Variants in SRFBP1 observed in about 807,000 individuals in gnomAD.
The protein encoded by SRFBP1 is serum response factor binding protein 1, also known as serum response factor-binding protein 1.
A neutral mutation model predicts 45.5 loss-of-function variants in SRFBP1; 47 were observed. The observed-to-expected ratio is 1.03, with a 90% CI of 0.82 to 1.32. SRFBP1 has a LOEUF of 1.32. Ranked by LOEUF, SRFBP1 falls within the 40% of genes most tolerant of loss-of-function variation. The pLI, the probability that SRFBP1 is intolerant of heterozygous loss-of-function variation, is 0.00. For missense variants in SRFBP1, 621 were observed against 484.6 expected, an observed-to-expected ratio of 1.28 and a Z score of -2.64; for synonymous variants, 203 against 166.3, an observed-to-expected ratio of 1.22 and a Z score of -1.70.
chr5:121,972,711 T>C (rs971161815), intron 1 of SRFBP1, among the ~76,000 whole-genome samples: 2 of 151,682 alleles, frequency 1.3e-5, no homozygotes, highest in African/African-American at 4.8e-5. Context: ...TCAAAGATGG[T>C]TGTGGTGGGT....
At chr5:121,998,434 A>C (rs1752780092) in intron 4 of SRFBP1, among the ~76,000 whole-genome samples, 2 of 143,364 alleles carry the variant, frequency 1.4e-5, no homozygotes, top group South Asian at 4.7e-4. Flanking sequence ...CAAACACCGC[A>C]TATTCTCACT....
At chr5:122,035,846 C>G (rs1753686395) in intron 2 of SRFBP1, among the ~76,000 whole-genome samples, 1 of 152,198 alleles carries the variant, frequency 6.6e-6, no homozygotes, top group Non-Finnish European at 1.5e-5. Context: ...ACCAAGACCT[C>G]AAAGCCCTGT....
chr5:122,012,397 AAAAC>A (rs1354049017), intron 4 of SRFBP1, among the ~76,000 whole-genome samples: 1 of 152,118 alleles, frequency 6.6e-6, no homozygotes, highest in African/African-American at 2.4e-5. Context: ...GACTTTCTTT[AAAAC>A]AAACATTTCA....
intron 2 of SRFBP1, among the ~76,000 whole-genome samples, chr5:122,067,698 C>T (rs1754335571): frequency 6.6e-6 from 1 of 152,126 alleles, no homozygotes; most frequent in South Asian, 2.1e-4. Context: ...TTGTCCAACT[C>T]GTAACTCCAC....
At chr5:122,077,295 G>A, downstream of SRFBP1, 1 of 1,605,594 alleles carries the variant, frequency 6.2e-7, no homozygotes, top group Non-Finnish European at 8.5e-7. This position sits in a 1 kb window ranked among gnomAD's most constrained non-coding sequence, Gnocchi z 4.9. Context: ...GCCACGTCGA[G>A]AAGCCACATA....
chr5:122,057,195 A>G (rs1561411291), intron 2 of SRFBP1, among the ~76,000 whole-genome samples: 1 of 152,310 alleles, frequency 6.6e-6, no homozygotes, highest in South Asian at 2.1e-4. Flanking sequence ...GGTTAAAATT[A>G]CACTTGACCA....
chr5:122,017,305 C>A (rs1753210891), intron 4 of SRFBP1, among the ~76,000 whole-genome samples: 1 of 152,250 alleles, frequency 6.6e-6, no homozygotes, highest in South Asian at 2.1e-4. Flanking sequence ...TCAGTGAGGC[C>A]ACACTTTCTC....
intron 2 of SRFBP1, among the ~76,000 whole-genome samples, chr5:122,058,176 A>T (rs111561940): frequency 6.6e-6 from 1 of 152,256 alleles, no homozygotes; most frequent in Admixed American, 6.5e-5. Flanking sequence ...ATCATGATTT[A>T]TTGGCAATGT....
intron 1 of SRFBP1, among the ~76,000 whole-genome samples, chr5:121,970,466 T>C (rs904542970): frequency 2.0e-5 from 3 of 152,122 alleles, no homozygotes; most frequent in Non-Finnish European, 2.9e-5. Flanking sequence ...TGCTATTAGT[T>C]TATTTTATGA....
chr5:122,058,418 T>C (rs1754118726), intron 2 of SRFBP1, among the ~76,000 whole-genome samples: 1 of 152,270 alleles, frequency 6.6e-6, no homozygotes, highest in Non-Finnish European at 1.5e-5. Flanking sequence ...TGGGTTTTCT[T>C]TGGAATTGTC....
chr5:121,975,698 G>A (rs1300480296), intron 3 of SRFBP1, among the ~76,000 whole-genome samples: 1 of 151,958 alleles, frequency 6.6e-6, no homozygotes, highest in African/African-American at 2.4e-5. Flanking sequence ...TTAGCACGAA[G>A]TCAGTTCAAG....
intron 3 of SRFBP1, among the ~76,000 whole-genome samples, chr5:121,982,369 C>A (rs1752427322): frequency 6.6e-6 from 1 of 151,794 alleles, no homozygotes; most frequent in African/African-American, 2.4e-5. Flanking sequence ...TACTGAAATC[C>A]CAGTTTGCTT....
intron 3 of SRFBP1, among the ~76,000 whole-genome samples, chr5:121,977,180 T>G (rs772838324): frequency 3.3e-5 from 5 of 152,024 alleles, no homozygotes; most frequent in Non-Finnish European, 7.4e-5. Context: ...TTGGTTTGGT[T>G]TGGTTTGATT....
At chr5:122,033,484 T>TC (rs1012987727), downstream of SRFBP1, among the ~76,000 whole-genome samples, 3 of 152,014 alleles carry the variant, frequency 2.0e-5, no homozygotes, top group African/African-American at 7.2e-5. Context: ...GCTTCTGCTT[T>TC]TTTTTTTTGA....
intron 3 of SRFBP1, among the ~76,000 whole-genome samples, chr5:121,984,952 T>G (rs377667518): frequency 1.3e-5 from 2 of 151,874 alleles, no homozygotes; most frequent in African/African-American, 2.4e-5. Flanking sequence ...TCTGGTACTT[T>G]GCCAGAAAAG....
At chr5:122,063,250 A>G (rs1212181482) in intron 2 of SRFBP1, 2 of 151,974 alleles carry the variant, frequency 1.3e-5, no homozygotes, top group Non-Finnish European at 2.9e-5. Context: ...ATCATAGTAT[A>G]GATGTATAAT....
chr5:121,971,132 A>G (rs549166869), intron 1 of SRFBP1, among the ~76,000 whole-genome samples: 3 of 152,152 alleles, frequency 2.0e-5, no homozygotes, highest in Admixed American at 1.3e-4. Flanking sequence ...GCAATTGGAC[A>G]CCGTTAAAGA....
At chr5:122,031,857 A>AT (rs1157157412), downstream of SRFBP1, among the ~76,000 whole-genome samples, 5 of 152,176 alleles carry the variant, frequency 3.3e-5, no homozygotes, top group East Asian at 1.9e-4. Flanking sequence ...AGCCTTAAGA[A>AT]TATCATGCTA....
In SRFBP1 at chr5:122,027,099, G is replaced by A. The variant is rs1166519026; in HGVS notation, c.1263G>A (p.Gln421=). 6.2e-7 allele frequency: 1 copy of A among 1,603,852 alleles called. No homozygotes were observed. Among genetic ancestry groups the A allele is most frequent in the Admixed American group, 1.7e-5 (1 of 57,670 alleles). ...AGCAATCTAATATTGCTGTGTTTCA[G>A]GGGAAAAAAATTACGTTTGATGATT... The part of the protein sequence containing the change: ...KEQQSNIAVF[Q]GKKITFDD The change falls in exon 8 of 8, where the codon CAG becomes CAA. Residue 421 remains glutamine (Q), a synonymous_variant. Coordinates refer to ENST00000339397, the MANE Select transcript of SRFBP1 (RefSeq NM_152546.3).
Sources: allele counts gnomAD v4.1 joint callset (sites outside exome capture counted in the v4.1 genomes callset), GRCh38; gene constraint gnomAD v4.1.1; non-coding constraint Gnocchi (gnomAD v3.1); transcripts MANE v1.5; gene names NCBI Gene and HGNC (gene_info 2026-07-23, HGNC 2026-07-21).